RXFP2: variants seen among roughly 807,000 people sequenced by gnomAD.
RXFP2 encodes the protein relaxin receptor 2.
Under a neutral mutation model 88.6 loss-of-function variants are expected in RXFP2, and 68 were observed. The observed-to-expected ratio is 0.77, with a 90% CI of 0.63 to 0.94. RXFP2 has a LOEUF of 0.94. Ranked by LOEUF, RXFP2 falls within the 40% of genes least tolerant of loss-of-function variation. The probability of loss-of-function intolerance (pLI) is 0.00; values close to 1 mark genes in which losing one functional copy is unlikely to be tolerated. For synonymous variants in RXFP2, 329 were observed against 306.8 expected, an observed-to-expected ratio of 1.07 and a Z score of -0.76; for missense variants, 791 against 893.9, an observed-to-expected ratio of 0.88 and a Z score of 1.47.
At chr13:31,772,347 A>T (rs182813951) in intron 5 of RXFP2, among the ~76,000 whole-genome samples, 1 of 152,334 alleles carries the variant, frequency 6.6e-6, no homozygotes, top group East Asian at 1.9e-4. Context: ...ATTGCCTATA[A>T]ACATGCATGT....
chr13:31,772,475 G>T (rs1444784951), intron 5 of RXFP2, among the ~76,000 whole-genome samples: 1 of 152,156 alleles, frequency 6.6e-6, no homozygotes, highest in African/African-American at 2.4e-5. Context: ...CCTTAGAAAA[G>T]GCATTCGGTG....
intron 1 of RXFP2, among the ~76,000 whole-genome samples, chr13:31,745,569 C>T (rs1186821007): frequency 1.3e-5 from 2 of 152,238 alleles, no homozygotes; most frequent in Non-Finnish European, 2.9e-5. Context: ...CTTTCTCAAA[C>T]TGGCATTGAA....
At chr13:31,781,780 C>CCTATATATTTG in intron 10 of RXFP2, 38 bp downstream of exon 10, 1 of 1,492,152 alleles carries the variant, frequency 6.7e-7, no homozygotes. Flanking sequence ...GAGGGGAAAC[C>CCTATATATTTG]CTATATATTT....
chr13:31,765,859 C>A, intron 4 of RXFP2, 97 bp from the exon 5 acceptor site: 4 of 702,918 alleles, frequency 5.7e-6, no homozygotes, highest in Non-Finnish European at 5.2e-6. Context: ...GTATAATGAA[C>A]GTCATCAAAT....
Position 31,758,379 on chromosome 13 carries a change from G to C in RXFP2, c.216G>C (p.Gly72=). Reference sequence around the variant, plus strand: ...ACTGTGATGGCAAGGATGACTGTGGGAACGGGGCGGACGAAGAGAACTGTG... The same window carrying C: ...ACTGTGATGGCAAGGATGACTGTGGCAACGGGGCGGACGAAGAGAACTGTG... ...AFHCDGKDDC[G]NGADEENCGD... The change falls in exon 2 of 18, where the codon GGG becomes GGC. Residue 72 remains glycine, a synonymous_variant. Transcript: ENST00000298386. The C allele has an allele frequency of 6.2e-7, 1 of 1,614,130 alleles. No individual in the cohort carries two copies. Among genetic ancestry groups the C allele is most frequent in the Non-Finnish European group, 8.5e-7 (1 of 1,180,014 alleles).
intron 2 of RXFP2, among the ~76,000 whole-genome samples, chr13:31,759,467 G>A (rs1440470443): frequency 8.6e-6 from 1 of 116,842 alleles, no homozygotes; most frequent in Non-Finnish European, 1.9e-5. Context: ...TATTCTGGAG[G>A]GGCAGAATTC....
rs139736966 is a variant in RXFP2, at chr13:31,797,253, C to T, written c.1839C>T (p.Phe613=). The T allele has an allele frequency of 5.0e-6, 8 of 1,613,840 alleles. No individual in the cohort carries two copies. The highest frequency in any genetic ancestry group is 6.8e-6 in the Non-Finnish European group (8 of 1,179,878). The change falls in exon 17 of 18, where the codon TTC becomes TTT. Residue 613 remains phenylalanine (F), a synonymous_variant. Coordinates refer to ENST00000298386, the MANE Select transcript of RXFP2 (RefSeq NM_130806.5). ...LIIVFSYITM[F]CSIQKTALQT... ...TTGTGTTTTCCTATATTACTATGTT[C>T]TGTTCCATTCAAAAAACCGCCTTGC...
intron 14 of RXFP2, among the ~76,000 whole-genome samples, chr13:31,791,307 G>A (rs1480280041): frequency 1.3e-5 from 2 of 152,150 alleles, no homozygotes; most frequent in African/African-American, 2.4e-5. Context: ...CCTAGTGTCA[G>A]AGGTCCTCCC....
chr13:31,760,946 C>G (rs372387155), intron 2 of RXFP2, among the ~76,000 whole-genome samples: 43 of 152,102 alleles, frequency 2.8e-4, no homozygotes, highest in African/African-American at 1.0e-3. Context: ...TTATTTTACT[C>G]AAAAACCTTT....
intron 11 of RXFP2, among the ~76,000 whole-genome samples, chr13:31,784,335 G>T (rs1414034819): frequency 2.6e-5 from 4 of 152,096 alleles, no homozygotes; most frequent in Non-Finnish European, 5.9e-5. Flanking sequence ...TTCAGAAGCT[G>T]GTAGGCTTAA....
chr13:31,769,297 C>T (rs1461140453), intron 5 of RXFP2, among the ~76,000 whole-genome samples: 2 of 152,138 alleles, frequency 1.3e-5, no homozygotes. Flanking sequence ...ATTACCACTG[C>T]TCAAGGCGCC....
intron 5 of RXFP2, among the ~76,000 whole-genome samples, 195 bp from the exon 6 acceptor site, chr13:31,774,425 T>G: frequency 6.6e-6 from 1 of 152,196 alleles, no homozygotes; most frequent in East Asian, 1.9e-4. Flanking sequence ...TCAATCTCAT[T>G]GCATGAGTAC....
intron 5 of RXFP2, among the ~76,000 whole-genome samples, chr13:31,769,481 T>A (rs1179262122): frequency 6.6e-6 from 1 of 152,218 alleles, no homozygotes; most frequent in Non-Finnish European, 1.5e-5. Context: ...CCAAAGGACA[T>A]AGTTTCAAAT....
At chr13:31,762,684 A>G (rs1036549611) in intron 3 of RXFP2, among the ~76,000 whole-genome samples, 1 of 152,184 alleles carries the variant, frequency 6.6e-6, no homozygotes, top group African/African-American at 2.4e-5. Context: ...CACTGATAGT[A>G]TTTTATGTAC....
intron 1 of RXFP2, among the ~76,000 whole-genome samples, chr13:31,755,970 C>T (rs930065428): frequency 1.3e-5 from 2 of 152,220 alleles, no homozygotes; most frequent in Non-Finnish European, 2.9e-5. Context: ...TGTGCACCAG[C>T]ACACCCGGCT....
chr13:31,759,082 T>C (rs1206191693), intron 2 of RXFP2, among the ~76,000 whole-genome samples: 1 of 148,736 alleles, frequency 6.7e-6, no homozygotes, highest in Non-Finnish European at 1.5e-5. Flanking sequence ...TGAATGGGCC[T>C]AGCTAAAGAA....
chr13:31,777,470 A>G (rs756028372), intron 8 of RXFP2, 23 bp downstream of exon 8: 59 of 1,512,044 alleles, frequency 3.9e-5, no homozygotes, highest in Non-Finnish European at 5.0e-5. Flanking sequence ...CAACCTTTCA[A>G]TACATCTATC....
intron 5 of RXFP2, among the ~76,000 whole-genome samples, chr13:31,770,987 T>C (rs1872716640): frequency 6.6e-6 from 1 of 152,012 alleles, no homozygotes; most frequent in Non-Finnish European, 1.5e-5. Flanking sequence ...TAAGCAGAAA[T>C]ACTCAAAGGA....
intron 14 of RXFP2, among the ~76,000 whole-genome samples, chr13:31,790,925 G>A (rs1382849753): frequency 2.0e-5 from 3 of 152,212 alleles, no homozygotes; most frequent in Non-Finnish European, 4.4e-5. Flanking sequence ...GGTGGAGTAA[G>A]CATTGCAGGG....
Sources: gnomAD v4.1 joint callset for allele counts (sites outside exome capture counted in the v4.1 genomes callset) on GRCh38, gnomAD v4.1.1 for gene constraint, MANE v1.5 for transcripts, NCBI Gene and HGNC (gene_info 2026-07-23, HGNC 2026-07-21) for gene names.